ABCD2: variants seen among roughly 807,000 people sequenced by gnomAD.
ABCD2 encodes ATP-binding cassette sub-family D member 2.
Under a neutral mutation model 70.9 loss-of-function variants are expected in ABCD2, and 36 were observed. The ratio of observed to expected loss-of-function variants is 0.51; its 90% CI spans 0.39 to 0.67. ABCD2 has a LOEUF of 0.67. Among genes scored for constraint, ABCD2 ranks in the 30% least tolerant of loss-of-function variants. The pLI is 0.00. For synonymous variants in ABCD2, 304 were observed against 306.9 expected, an observed-to-expected ratio of 0.99 and a Z score of 0.10; for missense variants, 729 against 890.2, an observed-to-expected ratio of 0.82 and a Z score of 2.30.
rs1942160589 is a variant in ABCD2 at position 39,619,290 on chromosome 12, A to T, written c.326T>A (p.Leu109Gln). The T allele has an allele frequency of 1.2e-6, 2 of 1,614,210 alleles. No homozygotes were observed. Among genetic ancestry groups the T allele is most frequent in the East Asian group, 4.5e-5 (2 of 44,878 alleles). ...LVTTETGWLC[L>Q]HSVALISRTF... is the part of the protein sequence containing the mutation. ...TCTTGAGATTAGAGCCACTGAGTGCAGGCAGAGCCACCCTGTTTCAGTGGT... is the reference window on the plus strand; with the variant it reads ...TCTTGAGATTAGAGCCACTGAGTGCTGGCAGAGCCACCCTGTTTCAGTGGT... Residue 109 changes from leucine (L) to glutamine (Q), a missense_variant, in exon 1 of 10, where the codon CTG becomes CAG. Physicochemically the swap from Leu to Gln is moderately radical, Grantham distance 113. Transcript: ENST00000308666.
chr12:39,611,672 C>T (rs1443683308), intron 2 of ABCD2, among the ~76,000 whole-genome samples: 1 of 152,004 alleles, frequency 6.6e-6, no homozygotes, highest in Non-Finnish European at 1.5e-5. Flanking sequence ...GGACATAAAA[C>T]CACTAACCAT....
intron 9 of ABCD2, among the ~76,000 whole-genome samples, chr12:39,570,989 C>G (rs566766092): frequency 3.3e-5 from 5 of 151,722 alleles, no homozygotes; most frequent in Admixed American, 6.6e-5. Context: ...ACAGGCATAT[C>G]AAAAAATGCT....
Position 39,600,714 on chromosome 12 carries a change from T to C in ABCD2, c.1503A>G (p.Val501=), listed in dbSNP as rs753691881. 9.4e-6 allele frequency: 15 copies of C among 1,601,394 alleles called. No individual in the cohort carries two copies. In the Admixed American group the frequency reaches 2.5e-4, roughly 27 times the overall value. The part of the protein sequence containing the change: ...EVVASRLNFK[V]EEGMHLLITG... ...TTATCAAAAGATGCATTCCTTCTTC[T>C]ACCTAAAGTAAGAAATAAAATTACA... The change falls in exon 6 of 10, where the codon GTA becomes GTG. Residue 501 remains valine, a splice_region_variant and synonymous_variant. Transcript: ENST00000308666.
At chr12:39,563,296 T>G (rs1361069000) in intron 9 of ABCD2, among the ~76,000 whole-genome samples, 2 of 152,008 alleles carry the variant, frequency 1.3e-5, no homozygotes, top group African/African-American at 2.4e-5. Context: ...GAGGCCAAGG[T>G]GGGAGGATCA....
At position 39,576,313 on chromosome 12, in the gene ABCD2, C is replaced by T. The variant is rs113362786; in HGVS notation, c.1878-2472G>A. ...TAGCTGGGACTATAGGCGCCCGCCA[C>T]CATGCCTGGCTAATTTTTTTTAATT... On this transcript the variant is annotated intron_variant, in intron 8 of 9. Transcript: ENST00000308666. Among the ~76,000 whole-genome samples the T allele has an allele frequency of 2.0e-3, 312 of 152,254 alleles. 3 individuals are homozygous for T. The highest frequency in any genetic ancestry group is 6.8e-3 in the African/African-American group (281 of 41,540).
rs1199687668 is a variant in ABCD2, at chr12:39,619,714, C to T, written c.-99G>A. Reference sequence around the variant, plus strand: ...ATGTTTTAGAAAGTCCTACAGCGTCCCATAGTCTGCAGCGTTTCTCTTCCA... The same window carrying T: ...ATGTTTTAGAAAGTCCTACAGCGTCTCATAGTCTGCAGCGTTTCTCTTCCA... On this transcript the variant is annotated 5_prime_UTR_variant, in exon 1 of 10. Transcript: ENST00000308666. 1.9e-6 allele frequency: 2 copies of T among 1,044,180 alleles called. No homozygotes were observed. The highest frequency in any genetic ancestry group is 5.4e-5 in the Admixed American group (2 of 37,318). The allele number at this position is 1,044,180 out of a possible 1,614,324, so 64.7% of individuals were successfully genotyped here.
At chr12:39,534,657 A>AAAG in the ABCD2 span, among the ~76,000 whole-genome samples, 2 of 148,068 alleles carry the variant, frequency 1.4e-5, no homozygotes, top group African/African-American at 2.5e-5. Context: ...AAGAAAGAAA[A>AAAG]AAAGAAAGAA....
the ABCD2 span, among the ~76,000 whole-genome samples, chr12:39,539,115 C>T: frequency 6.6e-6 from 1 of 152,192 alleles, no homozygotes; most frequent in African/African-American, 2.4e-5. Flanking sequence ...TTTCAAAAAT[C>T]AGTTACCTCT....
the ABCD2 span, among the ~76,000 whole-genome samples, chr12:39,534,088 G>A: frequency 2.0e-5 from 3 of 152,118 alleles, no homozygotes; most frequent in Middle Eastern, 0.01. Flanking sequence ...TATGTTAGCA[G>A]CTATGAACCT....
chr12:39,604,835 A>G lies in ABCD2; in HGVS notation c.1332T>C (p.Ile444=). 1 of 1,612,638 alleles carries G rather than the reference A, an allele frequency of 6.2e-7. No individual in the cohort carries two copies. Among genetic ancestry groups the G allele is most frequent in the Non-Finnish European group, 8.5e-7 (1 of 1,179,224 alleles). Reference sequence around the variant, plus strand: ...TCTTGCTATGGCTTTCAGATTCTTGAATGACAGCAGTTCTCTTATAAATGC... The same window carrying G: ...TCTTGCTATGGCTTTCAGATTCTTGGATGACAGCAGTTCTCTTATAAATGC... ...KRGIYKRTAV[I]QESESHSKNG... is the part of the protein sequence containing the mutation. The change falls in exon 4 of 10, where the codon ATT becomes ATC. Residue 444 remains isoleucine, a synonymous_variant. Coordinates refer to ENST00000308666, the MANE Select transcript of ABCD2 (RefSeq NM_005164.4).
At chr12:39,603,773 A>G in intron 5 of ABCD2, 139 bp downstream of exon 5, 4 of 506,586 alleles carry the variant, frequency 7.9e-6, no homozygotes, top group Non-Finnish European at 1.4e-5. Context: ...TGCTTCTGTA[A>G]TTGAGCCACT....
rs1941078298 is a variant in ABCD2, at chr12:39,550,850, T to C, written c.*3062A>G. 6.6e-6 allele frequency: 1 copy of C among 151,684 alleles called. No individual in the cohort carries two copies. Among genetic ancestry groups the C allele is most frequent in the South Asian group, 2.1e-4 (1 of 4,828 alleles). 9.4% of individuals were successfully genotyped at this position (151,684 alleles called of 1,614,324 possible). ...AACATTCTCTGGACTTGGGTTTCAA[T>C]GTGTAACAGATTTTCCTAGACTCAT... is the stretch of plus-strand genomic sequence containing the variant. On this transcript the variant is annotated 3_prime_UTR_variant, in exon 10 of 10. Coordinates refer to ENST00000308666, the MANE Select transcript of ABCD2 (RefSeq NM_005164.4).
At chr12:39,592,361 G>A (rs533593454) in intron 6 of ABCD2, among the ~76,000 whole-genome samples, 8 of 152,348 alleles carry the variant, frequency 5.3e-5, no homozygotes, top group Admixed American at 2.6e-4. Flanking sequence ...CATAATTAGT[G>A]TAAGGTACCA....
intron 9 of ABCD2, among the ~76,000 whole-genome samples, chr12:39,555,988 T>C (rs139387788): frequency 1.1e-3 from 165 of 152,270 alleles, no homozygotes; most frequent in African/African-American, 3.9e-3. Context: ...TTGCAATAGC[T>C]GCAGCAATCA....
At chr12:39,617,215 A>C in intron 1 of ABCD2, 47 bp from the exon 2 acceptor site, 1 of 1,270,210 alleles carries the variant, frequency 7.9e-7, no homozygotes, top group Non-Finnish European at 1.0e-6. Context: ...AGATATATAC[A>C]TATTATTCTT....
intron 1 of ABCD2, among the ~76,000 whole-genome samples, chr12:39,617,858 T>C (rs1942138025): frequency 6.6e-6 from 1 of 152,196 alleles, no homozygotes; most frequent in African/African-American, 2.4e-5. Flanking sequence ...TAAGATTGCA[T>C]TGCCTTCAAA....
At chr12:39,605,119 TTTGA>T (rs1352961095) in intron 3 of ABCD2, among the ~76,000 whole-genome samples, 189 bp from the exon 4 acceptor site, 3 of 151,978 alleles carry the variant, frequency 2.0e-5, no homozygotes, top group Admixed American at 1.3e-4. Context: ...CAATAATATG[TTTGA>T]TTGAAATTAT....
intron 5 of ABCD2, 132 bp from the exon 6 acceptor site, chr12:39,600,848 A>ACTTGT: frequency 1.3e-6 from 1 of 766,928 alleles, no homozygotes; most frequent in Admixed American, 3.2e-5. Flanking sequence ...TCAAGGAAAA[A>ACTTGT]TATTTCAGGG....
At chr12:39,561,021 A>T (rs1352529767) in intron 9 of ABCD2, among the ~76,000 whole-genome samples, 1 of 152,162 alleles carries the variant, frequency 6.6e-6, no homozygotes, top group Non-Finnish European at 1.5e-5. Flanking sequence ...ACTAGAAAGC[A>T]ATTAACAAAA....
Sources: gnomAD v4.1 joint callset for allele counts (sites outside exome capture counted in the v4.1 genomes callset) on GRCh38, gnomAD v4.1.1 for gene constraint, MANE v1.5 for transcripts, NCBI Gene and HGNC (gene_info 2026-07-23, HGNC 2026-07-21) for gene names.